CDH3: variants seen among roughly 807,000 people sequenced by gnomAD.
The protein encoded by CDH3 is cadherin 3.
In CDH3, 54 loss-of-function variants were observed where a neutral mutation model predicts 82.0. That is an observed-to-expected ratio of 0.66 (90% CI 0.53 to 0.83). The LOEUF (loss-of-function observed/expected upper bound fraction) is 0.83, where lower values mean the gene tolerates loss of function less well. Ranked by LOEUF, CDH3 falls within the 40% of genes least tolerant of loss-of-function variation. CDH3 has a pLI of 0.00. For missense variants in CDH3, 1,054 were observed against 1,084.6 expected (o/e 0.97, Z 0.40); for synonymous variants, 446 against 437.9 (o/e 1.02, Z -0.23).
At chr16:68,681,267 A>C (rs1189138802) in intron 8 of CDH3, among the ~76,000 whole-genome samples, 171 bp downstream of exon 8, 1 of 152,204 alleles carries the variant, frequency 6.6e-6, no homozygotes, top group African/African-American at 2.4e-5. Context: ...CTAATCTGTG[A>C]AAAGGAGATA....
At position 68,691,775 on chromosome 16, in the gene CDH3, G is replaced by A; in HGVS notation, c.1851G>A (p.Val617=). The A allele has an allele frequency of 6.2e-7, 1 of 1,614,166 alleles. No homozygotes were observed. The highest frequency in any genetic ancestry group is 8.5e-7 in the Non-Finnish European group (1 of 1,180,038). The stretch of plus-strand genomic sequence containing the variant: ...TCCTGAAGCAGGATACATATGACGT[G>A]CACCTTTCTCTGTCTGACCATGGCA... ...KKFLKQDTYD[V]HLSLSDHGNK... The change falls in exon 13 of 16, where the codon GTG becomes GTA. Residue 617 remains valine (V), a synonymous_variant. Coordinates refer to ENST00000264012, the MANE Select transcript of CDH3 (RefSeq NM_001793.6).
intron 2 of CDH3, among the ~76,000 whole-genome samples, chr16:68,652,779 C>T (rs975086626): frequency 6.6e-6 from 1 of 152,182 alleles, no homozygotes; most frequent in African/African-American, 2.4e-5. Flanking sequence ...GGTGAATTTG[C>T]CTGCATTTGA....
chr16:68,725,006 T>C (rs1257530620), intron 2 of CDH3, among the ~76,000 whole-genome samples: 1 of 151,900 alleles, frequency 6.6e-6, no homozygotes, highest in African/African-American at 2.4e-5. Flanking sequence ...GAGAAGAGGG[T>C]GGGGCCTTCT....
At chr16:68,675,452 T>G (rs1397651596) in intron 2 of CDH3, among the ~76,000 whole-genome samples, 1 of 152,108 alleles carries the variant, frequency 6.6e-6, no homozygotes, top group Non-Finnish European at 1.5e-5. Flanking sequence ...TATTCTCTAG[T>G]GTGTGTCTTG....
In CDH3 at chr16:68,681,115, T is replaced by G; in HGVS notation, c.996+19T>G. 1 of 1,613,604 alleles carries G rather than the reference T, an allele frequency of 6.2e-7. No individual in the cohort carries two copies. Among genetic ancestry groups the G allele is most frequent in the East Asian group, 2.2e-5 (1 of 44,860 alleles). On this transcript the variant is annotated intron_variant, in intron 8 of 15. Transcript: ENST00000264012. ...CCAGAAGGTAATGCCCCTTCCTCAC[T>G]CAGTCCCTCATCAGATAATGAAGGA...
chr16:68,727,280 T>C (rs1205675038), exon 3 of CDH3, among the ~76,000 whole-genome samples: 2 of 152,170 alleles, frequency 1.3e-5, no homozygotes, highest in Non-Finnish European at 2.9e-5. Context: ...AAGTCTTGGA[T>C]TGGGCAATGC....
At chr16:68,678,998 A>G in intron 6 of CDH3, 92 bp downstream of exon 6, 2 of 1,353,338 alleles carry the variant, frequency 1.5e-6, no homozygotes, top group East Asian at 2.3e-5. Context: ...TTGGCTGTGT[A>G]TCAGATTACT....
In CDH3 at chr16:68,695,386, G is replaced by A; in HGVS notation, c.2133+1G>A. 6.2e-7 allele frequency: 1 copy of A among 1,608,112 alleles called. No homozygotes were observed. Among genetic ancestry groups the A allele is most frequent in the Non-Finnish European group, 8.5e-7 (1 of 1,177,384 alleles). The stretch of plus-strand genomic sequence containing the variant: ...AGAGGGGGGTGGCGAAGAGGACCAG[G>A]TGGGGCACTGGGGGCTCTGGGATTG... On this transcript the variant is annotated splice_donor_variant, in intron 14 of 15. Coordinates refer to ENST00000264012, the MANE Select transcript of CDH3 (RefSeq NM_001793.6). LOFTEE classifies it high-confidence loss of function.
chr16:68,732,369 G>T (rs984239243), downstream of CDH3, among the ~76,000 whole-genome samples: 2 of 152,218 alleles, frequency 1.3e-5, no homozygotes, highest in African/African-American at 4.8e-5. Flanking sequence ...TGCACCCCTT[G>T]CCAGGAGATG....
At chr16:68,705,457 A>G (rs1056850506) in intron 1 of CDH3, among the ~76,000 whole-genome samples, 5 of 151,654 alleles carry the variant, frequency 3.3e-5, no homozygotes, top group African/African-American at 7.3e-5. Context: ...GTCTCGCTCT[A>G]TCCCCCAGGC....
At chr16:68,674,028 G>A (rs1309813357) in intron 2 of CDH3, among the ~76,000 whole-genome samples, 1 of 152,080 alleles carries the variant, frequency 6.6e-6, no homozygotes, top group Non-Finnish European at 1.5e-5. Flanking sequence ...GAATCCTTTT[G>A]GTTCTTTCAG....
intron 12 of CDH3, among the ~76,000 whole-genome samples, chr16:68,690,964 A>G (rs980592091): frequency 1.3e-5 from 2 of 151,576 alleles, no homozygotes; most frequent in African/African-American, 2.4e-5. Flanking sequence ...TGGGCTAGCT[A>G]TCAGCTGCTC....
chr16:68,671,411 G>T (rs1960880077), intron 2 of CDH3, among the ~76,000 whole-genome samples: 1 of 151,928 alleles, frequency 6.6e-6, no homozygotes, highest in Non-Finnish European at 1.5e-5. Context: ...TCTCCCTGTG[G>T]CTTCACATAG....
In CDH3 at chr16:68,645,773, G is replaced by A. The variant is rs903916404; in HGVS notation, c.160+23G>A. The A allele has an allele frequency of 4.6e-6, 7 of 1,507,708 alleles. No individual in the cohort carries two copies. The Middle Eastern group carries it at 6.9e-4, about 148-fold the overall frequency. The allele number at this position is 1,507,708 out of a possible 1,614,324, so 93.4% of individuals were successfully genotyped here. On this transcript the variant is annotated intron_variant, in intron 2 of 15. Transcript: ENST00000264012. ...AAGGTAAGATCCTCAGGGTGGAACCGCAGGGTAGGGGCCGCACGTGACCAT... is the reference window on the plus strand; with the variant it reads ...AAGGTAAGATCCTCAGGGTGGAACCACAGGGTAGGGGCCGCACGTGACCAT...
At position 68,678,591 on chromosome 16, in the gene CDH3, GAGA is replaced by G; in HGVS notation, c.484_486del (p.Lys162del). The G allele has an allele frequency of 3.1e-6, 5 of 1,614,238 alleles. No homozygotes were observed. Among genetic ancestry groups the G allele is most frequent in the East Asian group, 4.5e-5 (2 of 44,880 alleles). On this transcript the variant is annotated inframe_deletion, in exon 5 of 16. Transcript: ENST00000264012. ...CCCCCCTGAGGGTGTCTTCGCTGTA[GAGA>G]AGGAGACAGGCTGGTTGTTGTTGAA...
At position 68,645,418 on chromosome 16, in the gene CDH3, TCTCCAGGTA is replaced by T; in HGVS notation, c.45_45+8del. The T allele has an allele frequency of 6.2e-7, 1 of 1,613,302 alleles. No individual in the cohort carries two copies. On this transcript the variant is annotated splice_donor_variant and splice_donor_region_variant and coding_sequence_variant and intron_variant, in exon 1 of 16. Transcript: ENST00000264012. LOFTEE classifies it high-confidence loss of function. ...GTGGACCTCTCGCGTCTCTCCTCCTTCTCCAGGTACTCCACAGCCTCGCCGTGGCCCCGA... is the reference window on the plus strand; with the variant it reads ...GTGGACCTCTCGCGTCTCTCCTCCTTCTCCACAGCCTCGCCGTGGCCCCGA...
At chr16:68,684,910 A>G (rs1779477896) in intron 10 of CDH3, 86 bp downstream of exon 10, 5 of 1,523,078 alleles carry the variant, frequency 3.3e-6, no homozygotes, top group Middle Eastern at 1.8e-4. Context: ...TCTGATTACC[A>G]TAGAGATTGT....
chr16:68,713,919 TTTATTA>T (rs146101205), intron 1 of CDH3, among the ~76,000 whole-genome samples: 50 of 147,548 alleles, frequency 3.4e-4, no homozygotes, highest in East Asian at 1.0e-3. Flanking sequence ...TTTTATTCTA[TTTATTA>T]TTATTATTAT....
In CDH3 at chr16:68,719,212, C is replaced by T. The variant is rs1377624688; in HGVS notation, c.100-3213C>T. On this transcript the variant is annotated intron_variant, in intron 1 of 2. Coordinates refer to the CDH3 transcript ENST00000569080. ...GAGTGGAGATTGTGCCATTGCACTC[C>T]AGCCTGGGCAAAAAAGAGTGAGACT... Among the ~76,000 whole-genome samples, 3 of 146,736 alleles carry T rather than the reference C, an allele frequency of 2.0e-5. No individual in the cohort carries two copies. The East Asian group carries it at 6.0e-4, about 30-fold the overall frequency.
Sources: gnomAD v4.1 joint callset for allele counts (sites outside exome capture counted in the v4.1 genomes callset) on GRCh38, gnomAD v4.1.1 for gene constraint, MANE v1.5 for transcripts, NCBI Gene and HGNC (gene_info 2026-07-23, HGNC 2026-07-21) for gene names.